The following RIC8B variants were observed in gnomAD, a reference collection of about 807,000 sequenced individuals.
RIC8B encodes the protein RIC8 guanine nucleotide exchange factor B, also known as chaperone Ric-8B.
Under a neutral mutation model 57.5 loss-of-function variants are expected in RIC8B, and 16 were observed. That is an observed-to-expected ratio of 0.28 (90% CI 0.19 to 0.42). RIC8B has a LOEUF of 0.42. Among genes scored for constraint, RIC8B ranks in the 10% least tolerant of loss-of-function variants. RIC8B has a pLI of 1.00. For synonymous variants in RIC8B, 216 were observed against 250.8 expected (o/e 0.86, Z 1.31); for missense variants, 481 against 677.0 (o/e 0.71, Z 3.21).
intron 2 of RIC8B, among the ~76,000 whole-genome samples, chr12:106,802,465 A>T (rs2044776368): frequency 6.7e-6 from 1 of 150,190 alleles, no homozygotes; most frequent in South Asian, 2.1e-4. Context: ...TCTATTATCT[A>T]TTCTATTTTT....
chr12:106,774,848 G>C lies in RIC8B; in HGVS notation c.84+19G>C, dbSNP rs1461907370. The C allele has an allele frequency of 6.5e-7, 1 of 1,543,570 alleles. No homozygotes were observed. The highest frequency in any genetic ancestry group is 2.5e-5 in the East Asian group (1 of 40,766). On this transcript the variant is annotated intron_variant, in intron 1 of 9. Transcript: ENST00000392837. Reference sequence around the variant, plus strand: ...CGACAAGGTAAAGAGTCCTGGCCCCGGGCGTGCGGTATCGCACCCCCGGGC... The same window carrying C: ...CGACAAGGTAAAGAGTCCTGGCCCCCGGCGTGCGGTATCGCACCCCCGGGC...
chr12:106,798,104 T>C (rs1464698856), intron 2 of RIC8B: 1 of 715,598 alleles, frequency 1.4e-6, no homozygotes, highest in East Asian at 2.7e-5. Flanking sequence ...GTGAAGAAGA[T>C]AGCTGTGTAG....
At chr12:106,801,629 T>A (rs1412047275) in intron 2 of RIC8B, among the ~76,000 whole-genome samples, 1 of 152,206 alleles carries the variant, frequency 6.6e-6, no homozygotes, top group Admixed American at 6.5e-5. Context: ...ATAATATTAA[T>A]CTTTTACATG....
chr12:106,845,937 T>G (rs1450768353), intron 6 of RIC8B, among the ~76,000 whole-genome samples: 1 of 152,212 alleles, frequency 6.6e-6, no homozygotes, highest in African/African-American at 2.4e-5. Context: ...CTCCTTGAAA[T>G]ACTTTCTTCA....
chr12:106,798,169 AT>A (rs1238748187), intron 2 of RIC8B: 7 of 538,984 alleles, frequency 1.3e-5, no homozygotes, highest in Non-Finnish European at 2.0e-5. Flanking sequence ...CCTCGGATTC[AT>A]TTTTTGTTGT....
At chr12:106,866,364 TG>T (rs1950141156) in intron 8 of RIC8B, among the ~76,000 whole-genome samples, 1 of 152,154 alleles carries the variant, frequency 6.6e-6, no homozygotes, top group African/African-American at 2.4e-5. Context: ...AGTTGAGGAA[TG>T]GGAGCCAGGG....
rs141631229 is a variant in RIC8B at position 106,851,461 on chromosome 12, G to T, written c.1173G>T (p.Pro391=). ...RKFLKDQVLP[P]LRDVTNRPEV... is the part of the protein sequence containing the mutation. Reference sequence around the variant, plus strand: ...ATTTGTGCCATCAGGTTTTACCACCGTTGAGGGATGTGACAAATCGACCTG... The same window carrying T: ...ATTTGTGCCATCAGGTTTTACCACCTTTGAGGGATGTGACAAATCGACCTG... Residue 391 remains proline (P), a synonymous_variant, in exon 7 of 10, where the codon CCG becomes CCT. Transcript: ENST00000392837. 1 of 1,613,496 alleles carries T rather than the reference G, an allele frequency of 6.2e-7. No homozygotes were observed. The highest frequency in any genetic ancestry group is 1.1e-5 in the South Asian group (1 of 91,054).
In RIC8B at chr12:106,879,215, GTACAC is replaced by G; in HGVS notation, c.1572-6687_1572-6683del. ...TTAATTATGTCCTGTTTTTCAACAAGTACACTTGAATTGAATGTTTTGTTTGTATT... is the reference window on the plus strand; with the variant it reads ...TTAATTATGTCCTGTTTTTCAACAAGTTGAATTGAATGTTTTGTTTGTATT... On this transcript the variant is annotated intron_variant, in intron 9 of 9. Coordinates refer to ENST00000392837, the MANE Select transcript of RIC8B (RefSeq NM_001330145.2). The surrounding 1 kb of genome is among the most constrained non-coding windows in gnomAD (Gnocchi z 4.9). 2.0e-6 allele frequency: 2 copies of G among 985,786 alleles called. No individual in the cohort carries two copies. The highest frequency in any genetic ancestry group is 2.4e-6 in the Non-Finnish European group (2 of 829,900). The allele number at this position is 985,786 out of a possible 1,614,324, so 61.1% of individuals were successfully genotyped here.
At chr12:106,812,958 T>A (rs556495337) in intron 2 of RIC8B, among the ~76,000 whole-genome samples, 1 of 152,266 alleles carries the variant, frequency 6.6e-6, no homozygotes, top group Non-Finnish European at 1.5e-5. Context: ...AATACAGTCA[T>A]CCCTCTGTAT....
chr12:106,777,077 G>A (rs1269572300), intron 1 of RIC8B, among the ~76,000 whole-genome samples: 1 of 152,202 alleles, frequency 6.6e-6, no homozygotes, highest in African/African-American at 2.4e-5. Context: ...TGCCCAGGCT[G>A]CTCTCAAACT....
chr12:106,814,523 C>G (rs557630213), intron 2 of RIC8B, among the ~76,000 whole-genome samples, 173 bp from the exon 3 acceptor site: 10 of 152,282 alleles, frequency 6.6e-5, no homozygotes, highest in African/African-American at 2.2e-4. Context: ...GATTGTCTTC[C>G]ATCCTGATGG....
chr12:106,824,526 T>C (rs769417774), intron 3 of RIC8B, among the ~76,000 whole-genome samples: 2 of 152,228 alleles, frequency 1.3e-5, no homozygotes, highest in Middle Eastern at 3.2e-3. Flanking sequence ...ATGTGAGTTC[T>C]ATATATGAAT....
chr12:106,783,956 A>C (rs765173238), intron 1 of RIC8B, 41 bp from the exon 2 acceptor site: 15 of 1,590,814 alleles, frequency 9.4e-6, no homozygotes, highest in Non-Finnish European at 1.3e-5. Flanking sequence ...TAAAAAATAC[A>C]TGTATTTAAA....
At chr12:106,883,634 A>G (rs959836978) in intron 9 of RIC8B, among the ~76,000 whole-genome samples, 5 of 152,100 alleles carry the variant, frequency 3.3e-5, no homozygotes, top group Admixed American at 2.0e-4. Context: ...CATGAGATCT[A>G]CCTCAGAAAT....
At chr12:106,878,877 G>T in intron 9 of RIC8B, 1 of 488,052 alleles carries the variant, frequency 2.0e-6, no homozygotes, top group Non-Finnish European at 2.7e-6. Flanking sequence ...TTACATAAAA[G>T]GATCGGAACT....
intron 6 of RIC8B, among the ~76,000 whole-genome samples, chr12:106,849,235 A>G (rs749890362): frequency 2.6e-5 from 4 of 151,998 alleles, no homozygotes; most frequent in Admixed American, 6.6e-5. Flanking sequence ...CCATAAATAT[A>G]TAACCTACTA....
chr12:106,847,482 A>G (rs1392524647), intron 6 of RIC8B, among the ~76,000 whole-genome samples: 1 of 152,218 alleles, frequency 6.6e-6, no homozygotes, highest in Non-Finnish European at 1.5e-5. Context: ...GGTTCACAGT[A>G]GTAAGGATTT....
At position 106,887,280 on chromosome 12, in the gene RIC8B, T is replaced by C. The variant is rs1173538194; in HGVS notation, c.*1265T>C. On this transcript the variant is annotated 3_prime_UTR_variant, in exon 10 of 10. Coordinates refer to ENST00000392837, the MANE Select transcript of RIC8B (RefSeq NM_001330145.2). ...AAATTAAATAAAACATTGGGGTTGA[T>C]TCAATTTGGCCATCTGTGTGTGTTT... is the stretch of plus-strand genomic sequence containing the variant. 6.6e-6 allele frequency: 1 copy of C among 152,628 alleles called. No homozygotes were observed. Among genetic ancestry groups the C allele is most frequent in the African/African-American group, 2.4e-5 (1 of 41,458 alleles). 9.5% of individuals were successfully genotyped at this position (152,628 alleles called of 1,614,324 possible). A position where few individuals can be genotyped will look rare whatever the true frequency, so the allele number is the denominator to read the frequency against.
At chr12:106,819,116 T>G (rs968785801) in intron 3 of RIC8B, among the ~76,000 whole-genome samples, 1 of 152,184 alleles carries the variant, frequency 6.6e-6, no homozygotes, top group Admixed American at 6.5e-5. Context: ...AACGAATATA[T>G]ATATACATTT....
Sources: allele counts gnomAD v4.1 joint callset (sites outside exome capture counted in the v4.1 genomes callset), GRCh38; gene constraint gnomAD v4.1.1; non-coding constraint Gnocchi (gnomAD v3.1); transcripts MANE v1.5; gene names NCBI Gene and HGNC (gene_info 2026-07-23, HGNC 2026-07-21).